EVA1A: variants seen among roughly 807,000 people sequenced by gnomAD.
EVA1A encodes the protein protein eva-1 homolog A.
A neutral mutation model predicts 9.8 loss-of-function variants in EVA1A; 7 were observed. That is an observed-to-expected ratio of 0.71 (90% CI 0.41 to 1.34). The LOEUF is 1.34. Ranked by LOEUF, EVA1A falls within the 40% of genes most tolerant of loss-of-function variation. EVA1A has a pLI of 0.01. For synonymous variants in EVA1A, 90 were observed against 85.6 expected (o/e 1.05, Z -0.28); for missense variants, 206 against 205.9 (o/e 1.00, Z 0.00).
At chr2:75,555,649 C>A (rs575719780) in intron 1 of EVA1A, among the ~76,000 whole-genome samples, 24 of 152,184 alleles carry the variant, frequency 1.6e-4, no homozygotes, top group African/African-American at 4.8e-4. Context: ...AGAGGCAGAG[C>A]CCCTATTCAA....
intron 3 of EVA1A, among the ~76,000 whole-genome samples, chr2:75,510,580 T>G (rs1426178220): frequency 6.6e-6 from 1 of 152,238 alleles, no homozygotes; most frequent in Non-Finnish European, 1.5e-5. Context: ...GGTTAAATAC[T>G]AAACAGCATA....
chr2:75,527,221 C>G (rs1363539890), intron 1 of EVA1A, among the ~76,000 whole-genome samples: 1 of 152,204 alleles, frequency 6.6e-6, no homozygotes, highest in Non-Finnish European at 1.5e-5. Context: ...GGGTAGATAG[C>G]CTAGACTTTC....
intron 3 of EVA1A, among the ~76,000 whole-genome samples, chr2:75,515,708 A>G (rs1254091859): frequency 6.6e-6 from 1 of 152,224 alleles, no homozygotes; most frequent in East Asian, 1.9e-4. Context: ...CTCCTTTTAT[A>G]TAAACCGTAT....
At chr2:75,509,799 G>A (rs1674747411) in intron 3 of EVA1A, among the ~76,000 whole-genome samples, 1 of 152,000 alleles carries the variant, frequency 6.6e-6, no homozygotes, top group Admixed American at 6.6e-5. Flanking sequence ...GATTGTTAAG[G>A]GGGGTAATTC....
At chr2:75,536,365 C>CA (rs1205056462) in intron 1 of EVA1A, among the ~76,000 whole-genome samples, 1 of 151,576 alleles carries the variant, frequency 6.6e-6, no homozygotes, top group African/African-American at 2.4e-5. Context: ...CACCTCCCCC[C>CA]CAAATAAAAC....
intron 1 of EVA1A, among the ~76,000 whole-genome samples, chr2:75,536,020 C>G (rs1007584917): frequency 6.6e-6 from 1 of 152,178 alleles, no homozygotes; most frequent in African/African-American, 2.4e-5. Flanking sequence ...CAGGCGTGGG[C>G]CACCGCACCC....
intron 1 of EVA1A, among the ~76,000 whole-genome samples, chr2:75,566,808 T>C (rs912776783): frequency 3.3e-5 from 5 of 152,196 alleles, no homozygotes; most frequent in South Asian, 2.1e-4. Context: ...ATTCACCATT[T>C]AAAACATAAA....
intron 3 of EVA1A, among the ~76,000 whole-genome samples, chr2:75,513,713 A>G (rs1332852719): frequency 6.6e-6 from 1 of 152,202 alleles, no homozygotes; most frequent in African/African-American, 2.4e-5. Context: ...CTTAACAAAG[A>G]AGGAGATACT....
chr2:75,534,518 A>G (rs1675806101), intron 1 of EVA1A, among the ~76,000 whole-genome samples: 1 of 147,388 alleles, frequency 6.8e-6, no homozygotes, highest in South Asian at 2.1e-4. Context: ...AAGAAAACAG[A>G]GGAACAAACA....
At chr2:75,500,664 TTA>T (rs1176072469) in intron 3 of EVA1A, among the ~76,000 whole-genome samples, 1 of 152,078 alleles carries the variant, frequency 6.6e-6, no homozygotes, top group Non-Finnish European at 1.5e-5. Flanking sequence ...TCATTCTCTT[TTA>T]TCTCAAACAG....
At chr2:75,495,688 G>T (rs1223764219) in intron 3 of EVA1A, among the ~76,000 whole-genome samples, 3 of 151,982 alleles carry the variant, frequency 2.0e-5, no homozygotes, top group Non-Finnish European at 2.9e-5. Context: ...CTGGTGATGG[G>T]TACACTAAAA....
intron 1 of EVA1A, among the ~76,000 whole-genome samples, chr2:75,557,627 G>C (rs1031682988): frequency 6.6e-6 from 1 of 152,168 alleles, no homozygotes; most frequent in African/African-American, 2.4e-5. Context: ...CAGAGTTTTC[G>C]ACCCCAAGTC....
In EVA1A at chr2:75,493,295, T is replaced by C. The variant is rs1324259507; in HGVS notation, c.400A>G (p.Ile134Val). 1.2e-6 allele frequency: 2 copies of C among 1,614,032 alleles called. No individual in the cohort carries two copies. Among genetic ancestry groups the C allele is most frequent in the Non-Finnish European group, 8.5e-7 (1 of 1,179,986 alleles). The change falls in exon 4 of 4, where the codon ATC becomes GTC. Residue 134 changes from isoleucine to valine, a missense_variant. By Grantham distance (29) the Ile-to-Val change is conservative (BLOSUM62 3). Coordinates refer to ENST00000393913, the MANE Select transcript of EVA1A (RefSeq NM_001135032.2). ...LEERERIIRE[I>V]WMNGQPEVPG... is the part of the protein sequence containing the mutation. Reference sequence around the variant, plus strand: ...ACCTCAGGCTGGCCATTCATCCAGATCTCCCTGATGATGCGCTCGCGCTCC... The same window carrying C: ...ACCTCAGGCTGGCCATTCATCCAGACCTCCCTGATGATGCGCTCGCGCTCC...
At chr2:75,504,597 G>A (rs554337924) in intron 3 of EVA1A, among the ~76,000 whole-genome samples, 3 of 152,246 alleles carry the variant, frequency 2.0e-5, no homozygotes, top group Admixed American at 6.5e-5. Context: ...GTTCCTACCT[G>A]GCTGGCTCTG....
rs531878201 is a variant in EVA1A at position 75,558,098 on chromosome 2, T to G, written c.-192+2582A>C. 6.6e-5 allele frequency among the ~76,000 whole-genome samples: 10 copies of G among 152,296 alleles called. No individual in the cohort carries two copies. The East Asian group carries it at 1.9e-3, about 29-fold the overall frequency. On this transcript the variant is annotated intron_variant, in intron 1 of 3. Coordinates refer to ENST00000393913, the MANE Select transcript of EVA1A (RefSeq NM_001135032.2). ...TAGCCTCTCTGTGCCTCTGTTTCTT[T>G]GTCTGGAAAAAAGGGCAATACCAGT...
At chr2:75,533,053 A>G (rs1675726169) in intron 1 of EVA1A, among the ~76,000 whole-genome samples, 2 of 151,868 alleles carry the variant, frequency 1.3e-5, no homozygotes, top group Non-Finnish European at 2.9e-5. Flanking sequence ...CTGAGGTGAG[A>G]GGATCACTTG....
At chr2:75,565,083 G>T (rs987841904), upstream of EVA1A, among the ~76,000 whole-genome samples, 1 of 152,182 alleles carries the variant, frequency 6.6e-6, no homozygotes, top group African/African-American at 2.4e-5. Flanking sequence ...CTGGCACTAT[G>T]TAACCCGTGT....
intron 3 of EVA1A, among the ~76,000 whole-genome samples, chr2:75,500,129 C>T (rs1674359335): frequency 6.6e-6 from 1 of 152,066 alleles, no homozygotes; most frequent in Non-Finnish European, 1.5e-5. Context: ...AAAATGGCCA[C>T]CAAGCAAAAT....
At chr2:75,558,966 G>C (rs1676821075) in intron 1 of EVA1A, among the ~76,000 whole-genome samples, 1 of 152,206 alleles carries the variant, frequency 6.6e-6, no homozygotes, top group South Asian at 2.1e-4. Context: ...ACCTGCTGTG[G>C]ATTTGGCAAC....
Sources: gnomAD v4.1 joint callset for allele counts (sites outside exome capture counted in the v4.1 genomes callset) on GRCh38, gnomAD v4.1.1 for gene constraint, MANE v1.5 for transcripts, NCBI Gene and HGNC (gene_info 2026-07-23, HGNC 2026-07-21) for gene names.